The following XYLT1 variants were observed in gnomAD, a reference collection of about 807,000 sequenced individuals.
XYLT1 encodes beta-D-xylosyltransferase 1.
A neutral mutation model predicts 91.3 loss-of-function variants in XYLT1; 36 were observed. The observed-to-expected ratio is 0.39, with a 90% CI of 0.30 to 0.52. XYLT1 has a LOEUF of 0.52. XYLT1 is among the 20% of genes least tolerant of loss of function. The pLI is 0.68. For synonymous variants in XYLT1, 588 were observed against 532.0 expected (o/e 1.11, Z -1.45); for missense variants, 1,242 against 1,284.5 (o/e 0.97, Z 0.51).
chr16:17,467,617 T>G (rs1297046805), intron 1 of XYLT1, among the ~76,000 whole-genome samples: 1 of 152,166 alleles, frequency 6.6e-6, no homozygotes, highest in Non-Finnish European at 1.5e-5. Context: ...ACGGGGTGTT[T>G]CCTCTTGGCT....
chr16:17,187,458 T>C (rs1021756555), intron 5 of XYLT1, among the ~76,000 whole-genome samples: 4 of 145,680 alleles, frequency 2.7e-5, no homozygotes, highest in Non-Finnish European at 6.0e-5. Context: ...TCCTAGCTAC[T>C]TGGGAGGCTG....
chr16:17,181,961 G>A (rs765330303), intron 5 of XYLT1, among the ~76,000 whole-genome samples: 1 of 152,118 alleles, frequency 6.6e-6, no homozygotes, highest in Non-Finnish European at 1.5e-5. Context: ...TGAGAAGGTG[G>A]AGAGGAGGTC....
chr16:17,130,786 A>G (rs1234817177), intron 9 of XYLT1, among the ~76,000 whole-genome samples: 1 of 152,128 alleles, frequency 6.6e-6, no homozygotes, highest in African/African-American at 2.4e-5. Flanking sequence ...AGCCACGTCC[A>G]TCGTCCCTCA....
At chr16:17,314,100 G>A (rs990516211) in intron 2 of XYLT1, among the ~76,000 whole-genome samples, 9 of 152,262 alleles carry the variant, frequency 5.9e-5, no homozygotes, top group South Asian at 2.1e-4. Flanking sequence ...CAAACTTGTC[G>A]ACTCACTAGT....
At chr16:17,167,173 C>T (rs755899202) in intron 5 of XYLT1, among the ~76,000 whole-genome samples, 3 of 152,220 alleles carry the variant, frequency 2.0e-5, no homozygotes, top group African/African-American at 7.2e-5. Flanking sequence ...TTCAATCCCG[C>T]TTTCCCCGTG....
intron 2 of XYLT1, among the ~76,000 whole-genome samples, chr16:17,276,572 A>C (rs1055689896): frequency 4.6e-5 from 7 of 152,066 alleles, no homozygotes; most frequent in Non-Finnish European, 7.4e-5. Flanking sequence ...ATCACTACCA[A>C]CTTTCGCGTG....
chr16:17,187,598 A>C (rs2032214831), intron 5 of XYLT1, among the ~76,000 whole-genome samples: 1 of 148,198 alleles, frequency 6.7e-6, no homozygotes, highest in Non-Finnish European at 1.5e-5. Context: ...AGAAAGATTA[A>C]AAAGGTCAAT....
chr16:17,309,286 A>G (rs1034321316), intron 2 of XYLT1, among the ~76,000 whole-genome samples: 5 of 152,182 alleles, frequency 3.3e-5, no homozygotes, highest in Admixed American at 2.0e-4. Flanking sequence ...CAACTAAAAA[A>G]ATGTCTCTGG....
chr16:17,117,658 G>C lies in XYLT1; in HGVS notation c.2545C>G (p.Pro849Ala). Residue 849 changes from proline (P) to alanine (A), a missense_variant, in exon 11 of 12, where the codon CCC (proline) becomes GCC (alanine). Transcript: ENST00000261381. Reference sequence around the variant, plus strand: ...TGGGAGTACTTACCAGGTTTGATGGGCTGCCTGTTCGAGAAGGTCAGAGGC... The same window carrying C: ...TGGGAGTACTTACCAGGTTTGATGGCCTGCCTGTTCGAGAAGGTCAGAGGC... ...VAPLTFSNRQ[P>A]IKPEEALKLH... 6.2e-7 allele frequency: 1 copy of C among 1,611,754 alleles called. No homozygotes were observed. Among genetic ancestry groups the C allele is most frequent in the Non-Finnish European group, 8.5e-7 (1 of 1,178,034 alleles).
At chr16:17,256,846 C>T (rs968167977) in intron 3 of XYLT1, among the ~76,000 whole-genome samples, 5 of 152,188 alleles carry the variant, frequency 3.3e-5, no homozygotes, top group East Asian at 1.9e-4. Flanking sequence ...GCCGGTGGAA[C>T]GGAAAGCCCT....
chr16:17,198,885 C>A (rs1017899891), intron 4 of XYLT1, among the ~76,000 whole-genome samples: 10 of 152,172 alleles, frequency 6.6e-5, no homozygotes, highest in Admixed American at 1.3e-4. Flanking sequence ...GCTGGGATTA[C>A]AAGTATGCGC....
intron 1 of XYLT1, among the ~76,000 whole-genome samples, chr16:17,427,479 A>G (rs1438826274): frequency 6.6e-6 from 1 of 152,134 alleles, no homozygotes; most frequent in East Asian, 1.9e-4. Flanking sequence ...TTTTGTAGAG[A>G]CAGACCCTCA....
intron 5 of XYLT1, among the ~76,000 whole-genome samples, chr16:17,160,842 G>T (rs1224317136): frequency 6.6e-6 from 1 of 152,070 alleles, no homozygotes; most frequent in Non-Finnish European, 1.5e-5. Flanking sequence ...AAACTAAATC[G>T]GCCTATAAAA....
Position 17,283,219 on chromosome 16 carries a change from C to T in XYLT1, c.403-23721G>A, listed in dbSNP as rs2034084011. Among the ~76,000 whole-genome samples the T allele has an allele frequency of 1.3e-5, 2 of 152,148 alleles. 1 individual carries two copies. Among genetic ancestry groups the T allele is most frequent in the South Asian group, 4.1e-4 (2 of 4,826 alleles). On this transcript the variant is annotated intron_variant, in intron 2 of 11. Coordinates refer to ENST00000261381, the MANE Select transcript of XYLT1 (RefSeq NM_022166.4). ...CCAAGCCAACGGGAGCAGATGGAGC[C>T]CAGGCAGCAGATGTTAATACAGTTT...
At chr16:17,306,759 T>C (rs942408843) in intron 2 of XYLT1, among the ~76,000 whole-genome samples, 2 of 152,146 alleles carry the variant, frequency 1.3e-5, no homozygotes, top group African/African-American at 4.8e-5. Context: ...AGATTAAACA[T>C]CCAAATTCCT....
chr16:17,158,743 T>C (rs950048239), intron 6 of XYLT1, 86 bp downstream of exon 6: 2 of 1,443,372 alleles, frequency 1.4e-6, no homozygotes, highest in African/African-American at 1.4e-5. Flanking sequence ...TTTCTGTGGC[T>C]GCATGAAACC....
At chr16:17,318,266 G>C (rs911751014) in intron 2 of XYLT1, among the ~76,000 whole-genome samples, 10 of 152,150 alleles carry the variant, frequency 6.6e-5, no homozygotes, top group African/African-American at 2.4e-4. Context: ...TCCAAAGCCG[G>C]GGCTCTTAAC....
intron 3 of XYLT1, among the ~76,000 whole-genome samples, chr16:17,221,251 G>A (rs2032962762): frequency 6.6e-6 from 1 of 152,154 alleles, no homozygotes; most frequent in African/African-American, 2.4e-5. Context: ...TACTAAAAAT[G>A]CTAACCCCAG....
At chr16:17,377,175 T>TCACACACACACACACACACACACACC (rs376242678) in intron 1 of XYLT1, among the ~76,000 whole-genome samples, 16,376 of 150,782 alleles carry the variant, frequency 0.11, 1,663 homozygotes, top group African/African-American at 0.27. Context: ...AGACTCTGCC[T>TCACACACACACACACACACACACACC]CACACACACA....
Sources: allele counts gnomAD v4.1 joint callset (sites outside exome capture counted in the v4.1 genomes callset), GRCh38; gene constraint gnomAD v4.1.1; transcripts MANE v1.5; gene names NCBI Gene and HGNC (gene_info 2026-07-23, HGNC 2026-07-21).